The following OPRM1 variants were observed in gnomAD, a reference collection of about 807,000 sequenced individuals.
OPRM1 encodes the protein opioid receptor mu 1.
OPRM1 carries 27 observed loss-of-function variants against 31.8 expected under a neutral mutation model. The ratio of observed to expected loss-of-function variants is 0.85; its 90% CI spans 0.63 to 1.17. The LOEUF is 1.17. OPRM1 is among the 50% of genes most tolerant of loss of function. The probability of loss-of-function intolerance (pLI) is 0.00; values close to 1 mark genes in which losing one functional copy is unlikely to be tolerated. For missense variants in OPRM1, 536 were observed against 511.1 expected, an observed-to-expected ratio of 1.05 and a Z score of -0.47; for synonymous variants, 196 against 189.9, an observed-to-expected ratio of 1.03 and a Z score of -0.26.
intron 1 of OPRM1, among the ~76,000 whole-genome samples, chr6:154,075,284 G>A (rs1026560349): frequency 1.6e-4 from 25 of 152,072 alleles, no homozygotes; most frequent in Admixed American, 8.5e-4. Context: ...AGACATTGAA[G>A]TAAATAGCAA....
At chr6:154,081,347 C>A (rs1789084326) in intron 1 of OPRM1, among the ~76,000 whole-genome samples, 1 of 152,052 alleles carries the variant, frequency 6.6e-6, no homozygotes, top group African/African-American at 2.4e-5. Flanking sequence ...ACTAAAAATA[C>A]AGAAAAAAAG....
At chr6:154,083,173 A>C (rs150644953) in intron 1 of OPRM1, among the ~76,000 whole-genome samples, 2,241 of 152,294 alleles carry the variant, frequency 0.015, 58 homozygotes, top group African/African-American at 0.049. Flanking sequence ...TCCTATACCC[A>C]GAGGAGTAGT....
Position 154,085,400 on chromosome 6 carries a change from T to A in OPRM1, c.291-4426T>A, listed in dbSNP as rs375525661. The stretch of plus-strand genomic sequence containing the variant: ...GAACACAATTTTTTTCAAAAACGAA[T>A]AGCATTGTAAATTCATTTGAATTCA... On this transcript the variant is annotated intron_variant, in intron 1 of 3. Transcript: ENST00000330432. 1.4e-4 allele frequency among the ~76,000 whole-genome samples: 21 copies of A among 152,288 alleles called. No homozygotes were observed. In the East Asian group the frequency reaches 3.3e-3, roughly 24 times the overall value.
At chr6:154,180,415 T>TA (rs1491475267) in intron 3 of OPRM1, among the ~76,000 whole-genome samples, 2,705 of 28,716 alleles carry the variant, frequency 0.094, 47 homozygotes, top group Middle Eastern at 0.2. Context: ...TATATATATA[T>TA]TTTTTTTTTA....
At chr6:154,117,858 G>GGTATGTGTGTGT (rs1554279535) in intron 3 of OPRM1, among the ~76,000 whole-genome samples, 2 of 145,562 alleles carry the variant, frequency 1.4e-5, no homozygotes, top group African/African-American at 2.5e-5. Flanking sequence ...TTAAAAAGAT[G>GGTATGTGTGTGT]GTGTGTGTGT....
intron 1 of OPRM1, 153 bp from the exon 2 acceptor site, chr6:154,089,673 A>C (rs541908270): frequency 1.6e-6 from 1 of 607,278 alleles, no homozygotes; most frequent in East Asian, 2.7e-5. Flanking sequence ...CATTGACATC[A>C]TTGTAAATAG....
intron 3 of OPRM1, among the ~76,000 whole-genome samples, chr6:154,243,682 C>G (rs1780783654): frequency 6.6e-6 from 1 of 152,168 alleles, no homozygotes; most frequent in African/African-American, 2.4e-5. Flanking sequence ...ACAGGGTGGT[C>G]TTAATTGTGT....
rs1272234004 is a variant in OPRM1, at chr6:154,119,879, A to G, written c.*1158A>G. On this transcript the variant is annotated 3_prime_UTR_variant, in exon 4 of 4. Transcript: ENST00000330432. ...TTGTGTTTATATAATGTCATCACCA[A>G]TATTTTGGTCTTTTTGATCTCTGCT... Among the ~76,000 whole-genome samples the G allele has an allele frequency of 6.6e-6, 1 of 152,214 alleles. No individual in the cohort carries two copies. Among genetic ancestry groups the G allele is most frequent in the African/African-American group, 2.4e-5 (1 of 41,464 alleles).
chr6:154,184,514 T>C (rs1801168974), intron 3 of OPRM1, among the ~76,000 whole-genome samples: 1 of 152,074 alleles, frequency 6.6e-6, no homozygotes, highest in Non-Finnish European at 1.5e-5. Context: ...ACCAATGGTA[T>C]ATGTGTGTAC....
intron 1 of OPRM1, among the ~76,000 whole-genome samples, chr6:154,087,977 G>A (rs534603199): frequency 1.2e-4 from 19 of 152,004 alleles, no homozygotes; most frequent in Non-Finnish European, 2.5e-4. Context: ...TACCCAGGAG[G>A]AAGAAAAGCA....
At chr6:154,116,596 A>AAAAAGAAAAG (rs1279545004) in intron 3 of OPRM1, among the ~76,000 whole-genome samples, 1 of 151,898 alleles carries the variant, frequency 6.6e-6, no homozygotes, top group African/African-American at 2.4e-5. Context: ...AAAAAAAAAA[A>AAAAAGAAAAG]AAAAGAAAAG....
rs1328158996 is a variant in OPRM1 at position 154,223,119 on chromosome 6, A to C, written c.1165-23574A>C. The C allele has an allele frequency of 3.7e-6, 5 of 1,348,172 alleles. No individual in the cohort carries two copies. The East Asian group carries it at 9.2e-5, about 25-fold the overall frequency. 83.5% of individuals were successfully genotyped at this position (1,348,172 alleles called of 1,614,324 possible). A position where few individuals can be genotyped will look rare whatever the true frequency, so the allele number is the denominator to read the frequency against. On this transcript the variant is annotated intron_variant, in intron 3 of 3. Transcript: ENST00000337049. Reference sequence around the variant, plus strand: ...ACCATATCCCTTGGTGAACATTATGAAGAGATAGTATCCTGGCTCAGAGTT... The same window carrying C: ...ACCATATCCCTTGGTGAACATTATGCAGAGATAGTATCCTGGCTCAGAGTT...
chr6:154,110,236 T>G (rs1340254573), intron 3 of OPRM1: 2 of 568,142 alleles, frequency 3.5e-6, no homozygotes, highest in Non-Finnish European at 6.2e-6. Flanking sequence ...TCTGGTGATA[T>G]TACAAGAAAA....
chr6:154,186,328 T>A (rs187721490), intron 3 of OPRM1, among the ~76,000 whole-genome samples: 1 of 152,232 alleles, frequency 6.6e-6, no homozygotes, highest in African/African-American at 2.4e-5. Context: ...CTTGAAATCA[T>A]CTTTGACTTC....
intron 3 of OPRM1, chr6:154,110,523 A>C (rs1796225004): frequency 8.4e-6 from 6 of 716,700 alleles, no homozygotes; most frequent in Admixed American, 2.7e-5. Context: ...CCATGGCTTA[A>C]GGGTTGCTTA....
At chr6:154,087,611 G>C (rs543182732) in intron 1 of OPRM1, 1 of 984,336 alleles carries the variant, frequency 1.0e-6, no homozygotes, top group African/African-American at 1.7e-5. Flanking sequence ...TACACTCTTT[G>C]TCCATAAGTC....
At chr6:154,208,956 T>A (rs1399386174) in intron 3 of OPRM1, among the ~76,000 whole-genome samples, 1 of 152,198 alleles carries the variant, frequency 6.6e-6, no homozygotes, top group Non-Finnish European at 1.5e-5. Flanking sequence ...CTTTCCACTA[T>A]CAACCCTCTG....
At position 154,126,264 on chromosome 6, in the gene OPRM1, A is replaced by T. The variant is rs1797582469; in HGVS notation, c.*7543A>T. On this transcript the variant is annotated 3_prime_UTR_variant, in exon 4 of 4. Coordinates refer to ENST00000330432, the MANE Select transcript of OPRM1 (RefSeq NM_000914.5). ...TCTGGGTAAAATTGAACATAGCCATATTCACTGAACAACATGAGTGAGCTT... is the reference window on the plus strand; with the variant it reads ...TCTGGGTAAAATTGAACATAGCCATTTTCACTGAACAACATGAGTGAGCTT... 6.6e-6 allele frequency among the ~76,000 whole-genome samples: 1 copy of T among 152,232 alleles called. No homozygotes were observed. Among genetic ancestry groups the T allele is most frequent in the Admixed American group, 6.5e-5 (1 of 15,286 alleles).
chr6:154,191,623 G>A (rs535792478), intron 3 of OPRM1, among the ~76,000 whole-genome samples: 1 of 152,082 alleles, frequency 6.6e-6, no homozygotes, highest in Admixed American at 6.5e-5. Flanking sequence ...GCAGTGAGCC[G>A]AGATCACGCC....
Sources: gnomAD v4.1 joint callset for allele counts (sites outside exome capture counted in the v4.1 genomes callset) on GRCh38, gnomAD v4.1.1 for gene constraint, MANE v1.5 for transcripts, NCBI Gene and HGNC (gene_info 2026-07-23, HGNC 2026-07-21) for gene names.